The following COL6A3 variants were observed in gnomAD, a reference collection of about 807,000 sequenced individuals.
COL6A3 encodes collagen alpha-3(VI) chain.
A neutral mutation model predicts 274.1 loss-of-function variants in COL6A3; 137 were observed. The observed-to-expected ratio is 0.50, with a 90% CI of 0.44 to 0.58. The LOEUF (loss-of-function observed/expected upper bound fraction) is 0.58, where lower values mean the gene tolerates loss of function less well. Among genes scored for constraint, COL6A3 ranks in the 20% least tolerant of loss-of-function variants. COL6A3 has a pLI of 0.00. For synonymous variants in COL6A3, 1,650 were observed against 1,650.6 expected (o/e 1.00, Z 0.01); for missense variants, 3,950 against 4,124.9 (o/e 0.96, Z 1.16).
At chr2:237,391,792 T>A (rs1306479652) in intron 3 of COL6A3, among the ~76,000 whole-genome samples, 1 of 152,230 alleles carries the variant, frequency 6.6e-6, no homozygotes. Context: ...CCCAAAGTGC[T>A]GGGATTATAG....
At chr2:237,395,578 A>G (rs2078418683) in intron 2 of COL6A3, among the ~76,000 whole-genome samples, 1 of 152,192 alleles carries the variant, frequency 6.6e-6, no homozygotes, top group Admixed American at 6.5e-5. Flanking sequence ...CAGACAACCA[A>G]CCATCATTTT....
chr2:237,376,193 A>G (rs1371766649), intron 7 of COL6A3, among the ~76,000 whole-genome samples: 2 of 152,286 alleles, frequency 1.3e-5, no homozygotes, highest in East Asian at 3.9e-4. Context: ...ATTTTTCATC[A>G]AAAGGCATAC....
At position 237,413,431 on chromosome 2, in the gene COL6A3, C is replaced by T. The variant is rs968607143; in HGVS notation, c.-31+522G>A. ...CAGAGTTACTCCAATCTTGTGAAAG[C>T]AGCAAATGTGCTCCACCAGGACCTT... On this transcript the variant is annotated intron_variant, in intron 1 of 43. Coordinates refer to ENST00000295550, the MANE Select transcript of COL6A3 (RefSeq NM_004369.4). This position sits in a 1 kb window ranked among gnomAD's most constrained non-coding sequence, Gnocchi z 4.0. Among the ~76,000 whole-genome samples, 1 of 152,222 alleles carries T rather than the reference C, an allele frequency of 6.6e-6. No individual in the cohort carries two copies. Among genetic ancestry groups the T allele is most frequent in the Admixed American group, 6.5e-5 (1 of 15,290 alleles).
At chr2:237,403,599 C>T (rs1216312985) in intron 1 of COL6A3, among the ~76,000 whole-genome samples, 1 of 152,110 alleles carries the variant, frequency 6.6e-6, no homozygotes, top group Non-Finnish European at 1.5e-5. Context: ...GTGATAGCGG[C>T]AGTATTGCAA....
chr2:237,382,417 C>T (rs2078032063), intron 4 of COL6A3, among the ~76,000 whole-genome samples: 1 of 152,034 alleles, frequency 6.6e-6, no homozygotes, highest in South Asian at 2.1e-4. Context: ...TTTAAAGATC[C>T]TAAGTAATAT....
At chr2:237,399,550 C>T (rs1022182587) in intron 1 of COL6A3, among the ~76,000 whole-genome samples, 1 of 152,226 alleles carries the variant, frequency 6.6e-6, no homozygotes, top group African/African-American at 2.4e-5. Context: ...AACAGGCATT[C>T]CATGAGCAAC....
chr2:237,340,279 C>T (rs1254937536), intron 38 of COL6A3, among the ~76,000 whole-genome samples, 173 bp downstream of exon 38: 4 of 152,212 alleles, frequency 2.6e-5, no homozygotes, highest in Non-Finnish European at 5.9e-5. Context: ...TCCCTGCTTA[C>T]TCTGGCTCCT....
chr2:237,379,189 G>A lies in COL6A3; in HGVS notation c.1944C>T (p.Ala648=). 1 of 1,614,154 alleles carries A rather than the reference G, an allele frequency of 6.2e-7. No individual in the cohort carries two copies. The highest frequency in any genetic ancestry group is 8.5e-7 in the Non-Finnish European group (1 of 1,180,020). Residue 648 remains alanine, a synonymous_variant, in exon 6 of 44, where the codon GCC becomes GCT. Transcript: ENST00000295550. The part of the protein sequence containing the change: ...RDIIFLLDGS[A]NVGKTNFPYV... ...AAGGGAAATTGGTTTTTCCAACGTT[G>A]GCTGATCCATCCAAAAGAAAGATGA...
Position 237,364,257 on chromosome 2 carries a change from C to A in COL6A3, c.5917+93G>T, listed in dbSNP as rs901298024. On this transcript the variant is annotated intron_variant, in intron 13 of 43. Transcript: ENST00000295550. This position sits in a 1 kb window ranked among gnomAD's most constrained non-coding sequence, Gnocchi z 4.6. Reference sequence around the variant, plus strand: ...CCAAGACAACGCTGCTCCCTTGGGGCGCTGCATTAGCAGAGAGGTTTCTCT... The same window carrying A: ...CCAAGACAACGCTGCTCCCTTGGGGAGCTGCATTAGCAGAGAGGTTTCTCT... The A allele has an allele frequency of 1.0e-6, 1 of 977,944 alleles. No individual in the cohort carries two copies. The highest frequency in any genetic ancestry group is 1.7e-5 in the Admixed American group (1 of 58,532). The allele number at this position is 977,944 out of a possible 1,614,324, so 60.6% of individuals were successfully genotyped here. A position where few individuals can be genotyped will look rare whatever the true frequency, so the allele number is the denominator to read the frequency against.
At chr2:237,340,323 T>C (rs2106319083) in intron 38 of COL6A3, 129 bp downstream of exon 38, 1 of 868,274 alleles carries the variant, frequency 1.2e-6, no homozygotes, top group South Asian at 1.5e-5. Context: ...GGTGTCAATA[T>C]ATGTCTGTTC....
Position 237,364,475 on chromosome 2 carries a change from G to T in COL6A3, c.5839-47C>A. On this transcript the variant is annotated intron_variant, in intron 12 of 43. Transcript: ENST00000295550. This position sits in a 1 kb window ranked among gnomAD's most constrained non-coding sequence, Gnocchi z 4.6. Reference sequence around the variant, plus strand: ...AATCCCAGGAAAACTAAAAAGGAGTGTTGCAGACTGCTGATAGAAAACTGA... The same window carrying T: ...AATCCCAGGAAAACTAAAAAGGAGTTTTGCAGACTGCTGATAGAAAACTGA... 1 of 1,413,382 alleles carries T rather than the reference G, an allele frequency of 7.1e-7. No homozygotes were observed. Among genetic ancestry groups the T allele is most frequent in the Non-Finnish European group, 1.0e-6 (1 of 998,366 alleles). The allele number at this position is 1,413,382 out of a possible 1,614,324, so 87.6% of individuals were successfully genotyped here.
chr2:237,343,945 C>A, intron 36 of COL6A3: 3 of 324,038 alleles, frequency 9.3e-6, no homozygotes, highest in Non-Finnish European at 1.2e-5. Flanking sequence ...AAGCAAATGC[C>A]CAGTACACAG....
rs748325294 is a variant in COL6A3, at chr2:237,365,990, T to C, written c.5546A>G (p.Gln1849Arg). The change falls in exon 12 of 44, where the codon CAG becomes CGG. Residue 1849 changes from glutamine to arginine, a missense_variant. Gln to Arg is a conservative substitution (Grantham distance 43, BLOSUM62 1). Around this residue, in one of 5 missense-constraint regions of COL6A3, gnomAD observed 632 missense variants for 623.4 expected, o/e 1.01. Coordinates refer to ENST00000295550, the MANE Select transcript of COL6A3 (RefSeq NM_004369.4). The part of the protein sequence containing the change: ...VILGFDGSRD[Q>R]NVFVAQKGFE... Reference sequence around the variant, plus strand: ...GCCCTTCTGGGCCACAAAAACATTCTGGTCTCTAGAACCATCAAACCCCAG... The same window carrying C: ...GCCCTTCTGGGCCACAAAAACATTCCGGTCTCTAGAACCATCAAACCCCAG... 1.2e-6 allele frequency: 2 copies of C among 1,613,992 alleles called. No individual in the cohort carries two copies. The highest frequency in any genetic ancestry group is 3.3e-5 in the Admixed American group (2 of 60,030).
In COL6A3 at chr2:237,347,817, C is replaced by T. The variant is rs2077126391; in HGVS notation, c.7019G>A (p.Arg2340Lys). ...CCCACGCAAACTTACCCTTCGGCCT[C>T]TGATGCCTTTGGGTCCTGTTGTTCC... Reference protein sequence around the residue: ...LNGTTGPKGIRGRRGNSGPPG... With the variant: ...LNGTTGPKGIKGRRGNSGPPG... The change falls in exon 31 of 44, where the codon AGA (arginine) becomes AAA (lysine). Residue 2340 changes from arginine (R) to lysine (K), a missense_variant. By Grantham distance (26) the Arg-to-Lys change is conservative (BLOSUM62 2). Transcript: ENST00000295550. 3 of 1,610,912 alleles carry T rather than the reference C, an allele frequency of 1.9e-6. No homozygotes were observed. Among genetic ancestry groups the T allele is most frequent in the Non-Finnish European group, 2.5e-6 (3 of 1,178,666 alleles).
intron 40 of COL6A3, 67 bp from the exon 41 acceptor site, chr2:237,334,956 A>T: frequency 6.3e-7 from 1 of 1,582,838 alleles, no homozygotes. Flanking sequence ...CATGAGCGAG[A>T]GAGGAAATCT....
At chr2:237,380,449 C>T (rs532660483) in intron 5 of COL6A3, among the ~76,000 whole-genome samples, 10 of 152,278 alleles carry the variant, frequency 6.6e-5, no homozygotes, top group African/African-American at 1.4e-4. Context: ...AATCCCTTAA[C>T]GAGAGAGAAG....
At chr2:237,356,990 C>G (rs1441437519) in intron 23 of COL6A3, 3 of 379,714 alleles carry the variant, frequency 7.9e-6, no homozygotes, top group Non-Finnish European at 1.4e-5. Flanking sequence ...TCCCTCAGCC[C>G]TCTTGCCCCT....
intron 1 of COL6A3, among the ~76,000 whole-genome samples, chr2:237,402,142 T>C (rs1372339555): frequency 6.6e-6 from 1 of 152,166 alleles, no homozygotes; most frequent in Non-Finnish European, 1.5e-5. Context: ...TGCATTACTT[T>C]ATAATTCCAT....
intron 42 of COL6A3, among the ~76,000 whole-genome samples, chr2:237,332,043 C>G (rs550930419): frequency 8.1e-6 from 1 of 123,364 alleles, no homozygotes; most frequent in Non-Finnish European, 1.7e-5. Flanking sequence ...TCACAACTCT[C>G]TCCCCCCATC....
Sources: gnomAD v4.1 joint callset for allele counts (sites outside exome capture counted in the v4.1 genomes callset) on GRCh38, gnomAD v4.1.1 for gene constraint, gnomAD v4.1.1 regional missense constraint, Gnocchi (gnomAD v3.1) non-coding constraint, MANE v1.5 for transcripts, NCBI Gene and HGNC (gene_info 2026-07-23, HGNC 2026-07-21) for gene names.